Variants in CMYA5 observed in about 807,000 individuals in gnomAD.
CMYA5 encodes cardiomyopathy-associated protein 5.
CMYA5 carries 246 observed loss-of-function variants against 318.9 expected under a neutral mutation model. That is an observed-to-expected ratio of 0.77 (90% confidence interval 0.70 to 0.86). The LOEUF is 0.86. Ranked by LOEUF, CMYA5 falls within the 40% of genes least tolerant of loss-of-function variation. The pLI, the probability that CMYA5 is intolerant of heterozygous loss-of-function variation, is 0.00. For synonymous variants in CMYA5, 1,641 were observed against 1,729.5 expected (o/e 0.95, Z 1.27); for missense variants, 4,589 against 4,678.2 (o/e 0.98, Z 0.56).
At chr5:79,797,398 AC>A (rs1374799219) in intron 12 of CMYA5, among the ~76,000 whole-genome samples, 2 of 152,248 alleles carry the variant, frequency 1.3e-5, no homozygotes, top group Non-Finnish European at 2.9e-5. Context: ...CTAAGGACTT[AC>A]ATTTCACATA....
chr5:79,704,442 C>T (rs1417716195), intron 1 of CMYA5, among the ~76,000 whole-genome samples: 3 of 152,084 alleles, frequency 2.0e-5, no homozygotes, highest in Non-Finnish European at 2.9e-5. Flanking sequence ...GCCATTCGAA[C>T]TGGTCCTATC....
At position 79,738,035 on chromosome 5, in the gene CMYA5, T is replaced by G; in HGVS notation, c.9270T>G (p.Thr3090=). 1 of 1,613,286 alleles carries G rather than the reference T, an allele frequency of 6.2e-7. No individual in the cohort carries two copies. Among genetic ancestry groups the G allele is most frequent in the Non-Finnish European group, 8.5e-7 (1 of 1,179,692 alleles). The change falls in exon 2 of 13, where the codon ACT becomes ACG. Residue 3090 remains threonine, a synonymous_variant. Transcript: ENST00000446378. The stretch of plus-strand genomic sequence containing the variant: ...TCTCAAAGGAAGTTACAGAAGAAAC[T>G]ATCTCTTTCCCAGTAAGTTCAGTGG... ...EKLSKEVTEE[T]ISFPVSSVES...
intron 1 of CMYA5, among the ~76,000 whole-genome samples, chr5:79,703,535 G>A (rs963880354): frequency 6.6e-6 from 1 of 152,136 alleles, no homozygotes; most frequent in Non-Finnish European, 1.5e-5. Flanking sequence ...AAAGCCTTTT[G>A]GTCTGTATGC....
At chr5:79,708,532 G>A (rs1827318798) in intron 1 of CMYA5, among the ~76,000 whole-genome samples, 2 of 151,490 alleles carry the variant, frequency 1.3e-5, no homozygotes, top group African/African-American at 4.9e-5. Context: ...GGCTGAGGCG[G>A]GACAATGGCG....
chr5:79,770,754 AGT>A (rs1314487856), intron 9 of CMYA5, among the ~76,000 whole-genome samples: 2 of 152,158 alleles, frequency 1.3e-5, no homozygotes, highest in Non-Finnish European at 2.9e-5. Flanking sequence ...CTTTAAATAA[AGT>A]GTGTTATTTA....
At chr5:79,701,404 G>A (rs1289208774) in intron 1 of CMYA5, among the ~76,000 whole-genome samples, 1 of 152,134 alleles carries the variant, frequency 6.6e-6, no homozygotes, top group Non-Finnish European at 1.5e-5. Context: ...TTAAGGTAAT[G>A]GATATCCTAA....
At chr5:79,799,053 C>T (rs1022765745) in intron 12 of CMYA5, among the ~76,000 whole-genome samples, 1 of 152,124 alleles carries the variant, frequency 6.6e-6, no homozygotes, top group Non-Finnish European at 1.5e-5. Flanking sequence ...GCCATGAATG[C>T]GGTAGTTAAA....
chr5:79,740,707 G>A (rs898332241), intron 2 of CMYA5, among the ~76,000 whole-genome samples: 2 of 152,122 alleles, frequency 1.3e-5, no homozygotes, highest in African/African-American at 4.8e-5. Flanking sequence ...CTATTGGAAT[G>A]TAGTCTTTGA....
chr5:79,778,952 G>C lies in CMYA5; in HGVS notation c.11556-10019G>C, dbSNP rs1220075891. Among the ~76,000 whole-genome samples the C allele has an allele frequency of 6.0e-5, 6 of 100,272 alleles. No individual in the cohort carries two copies. In the Admixed American group the frequency reaches 6.5e-4, roughly 11 times the overall value. The allele number at this position is 100,272 out of a possible 152,430, so 65.8% of individuals were successfully genotyped here. A position where few individuals can be genotyped will look rare whatever the true frequency, so the allele number is the denominator to read the frequency against. ...TTATACTCTAAGTTTTAGGGTACAT[G>C]TGCACATTGTGCAGGTTAGTTACAT... On this transcript the variant is annotated intron_variant, in intron 9 of 12. Transcript: ENST00000446378.
rs760100773 is a variant in CMYA5 at position 79,736,161 on chromosome 5, A to G, written c.7396A>G (p.Thr2466Ala). ...AGATAATTTGGAAAACAGATCATAT[A>G]CCTTGGCAGAAAAGAAGGTGCTGGC... The part of the protein sequence containing the change: ...KKDNLENRSY[T>A]LAEKKVLAEK... Residue 2466 changes from threonine to alanine, a missense_variant, in exon 2 of 13, where the codon ACC (threonine) becomes GCC (alanine). Thr to Ala is a moderately conservative substitution (Grantham distance 58, BLOSUM62 0). Around this residue, in one of 3 missense-constraint regions of CMYA5, gnomAD observed 2,431 missense variants for 2,495.1 expected, o/e 0.97. Coordinates refer to ENST00000446378, the MANE Select transcript of CMYA5 (RefSeq NM_153610.5). 1 of 1,613,782 alleles carries G rather than the reference A, an allele frequency of 6.2e-7. No individual in the cohort carries two copies. Among genetic ancestry groups the G allele is most frequent in the Non-Finnish European group, 8.5e-7 (1 of 1,179,786 alleles).
intron 12 of CMYA5, among the ~76,000 whole-genome samples, chr5:79,796,928 C>A (rs1048543056): frequency 6.6e-6 from 1 of 152,060 alleles, no homozygotes; most frequent in African/African-American, 2.4e-5. Context: ...CTCAGCTATG[C>A]AATGTTGATA....
intron 5 of CMYA5, among the ~76,000 whole-genome samples, chr5:79,748,277 T>TA (rs1828364765): frequency 6.6e-6 from 1 of 152,146 alleles, no homozygotes; most frequent in South Asian, 2.1e-4. Context: ...AGTTCTGGTT[T>TA]ATACAATCTA....
Position 79,734,694 on chromosome 5 carries a change from A to T in CMYA5, c.5929A>T (p.Ser1977Cys), listed in dbSNP as rs1354393775. ...TSSGNTETLS[S>C]KSYSSEEVKL... ...CAGTGGTAATACAGAGACCTTATCA[A>T]GTAAAAGTTACTCTTCTGAAGAAGT... Residue 1977 changes from serine (S) to cysteine (C), a missense_variant, in exon 2 of 13, where the codon AGT becomes TGT. By Grantham distance (112) the Ser-to-Cys change is moderately radical. Around this residue, in one of 3 missense-constraint regions of CMYA5, gnomAD observed 2,431 missense variants for 2,495.1 expected, o/e 0.97. Transcript: ENST00000446378. 4 of 1,613,880 alleles carry T rather than the reference A, an allele frequency of 2.5e-6. No individual in the cohort carries two copies. Among genetic ancestry groups the T allele is most frequent in the Non-Finnish European group, 2.5e-6 (3 of 1,179,822 alleles).
chr5:79,793,472 G>A lies in CMYA5; in HGVS notation c.11825G>A (p.Cys3942Tyr). 6.2e-7 allele frequency: 1 copy of A among 1,613,630 alleles called. No individual in the cohort carries two copies. Residue 3942 changes from cysteine to tyrosine, a missense_variant, in exon 12 of 13, where the codon TGT becomes TAT. Physicochemically the swap from Cys to Tyr is radical, Grantham distance 194. Transcript: ENST00000446378. ...GTGCTGGGTGAGGAGCTGCCTTCCT[G>A]TGGCCAGCATTACTGGGAAACCACA... ...PSVLGEELPS[C>Y]GQHYWETTVT... is the part of the protein sequence containing the mutation.
intron 1 of CMYA5, among the ~76,000 whole-genome samples, chr5:79,715,567 G>A (rs1031680214): frequency 2.4e-4 from 36 of 152,058 alleles, no homozygotes; most frequent in Non-Finnish European, 4.9e-4. Context: ...GATTACAGAC[G>A]TGAGCCACCG....
In CMYA5 at chr5:79,729,819, G is replaced by T. The variant is rs1216740490; in HGVS notation, c.1054G>T (p.Glu352Ter). 1 of 1,613,374 alleles carries T rather than the reference G, an allele frequency of 6.2e-7. No homozygotes were observed. Among genetic ancestry groups the T allele is most frequent in the Non-Finnish European group, 8.5e-7 (1 of 1,179,690 alleles). The stretch of plus-strand genomic sequence containing the variant: ...CTCTTATTCAAGTAGTGGCAGAGCA[G>T]AACAAGGAATACAGCTCAGGCATTC... ...VPSYSSSGRAEQGIQLRHSQS... is the reference protein window; with the variant it reads ...VPSYSSSGRA The change falls in exon 2 of 13, where the codon GAA becomes TAA. Residue 352 changes from glutamate (E) to a stop codon, truncating the protein, a stop_gained. Transcript: ENST00000446378. LOFTEE classifies it high-confidence loss of function.
At position 79,731,795 on chromosome 5, in the gene CMYA5, C is replaced by A; in HGVS notation, c.3030C>A (p.Pro1010=). Residue 1010 remains proline, a synonymous_variant, in exon 2 of 13, where the codon CCC becomes CCA. Transcript: ENST00000446378. ...CAGCATCACAAGTTTCAATCCCTCC[C>A]TTTAGAATCTCAGAAACAGAGAAAA... ...PDSASQVSIP[P]FRISETEKNE... is the part of the protein sequence containing the mutation. 1 of 1,612,964 alleles carries A rather than the reference C, an allele frequency of 6.2e-7. No homozygotes were observed. Among genetic ancestry groups the A allele is most frequent in the Non-Finnish European group, 8.5e-7 (1 of 1,179,546 alleles).
chr5:79,739,790 C>T (rs1410925199), intron 2 of CMYA5, among the ~76,000 whole-genome samples: 1 of 151,966 alleles, frequency 6.6e-6, no homozygotes, highest in Non-Finnish European at 1.5e-5. Flanking sequence ...TGAGACCAGC[C>T]TGGGCAACAT....
chr5:79,726,451 G>C (rs908545340), intron 1 of CMYA5, among the ~76,000 whole-genome samples: 1 of 152,188 alleles, frequency 6.6e-6, no homozygotes, highest in Non-Finnish European at 1.5e-5. Flanking sequence ...TTTAAAATAA[G>C]ATTCTGTTCA....
Sources: gnomAD v4.1 joint callset for allele counts (sites outside exome capture counted in the v4.1 genomes callset) on GRCh38, gnomAD v4.1.1 for gene constraint, gnomAD v4.1.1 regional missense constraint, MANE v1.5 for transcripts, NCBI Gene and HGNC (gene_info 2026-07-23, HGNC 2026-07-21) for gene names.